The following PRUNE1 variants were observed in gnomAD, a reference collection of about 807,000 sequenced individuals.
PRUNE1 encodes the protein prune exopolyphosphatase 1.
A neutral mutation model predicts 42.5 loss-of-function variants in PRUNE1; 25 were observed. That is an observed-to-expected ratio of 0.59 (90% CI 0.43 to 0.82). The LOEUF (loss-of-function observed/expected upper bound fraction) is 0.82, where lower values mean the gene tolerates loss of function less well. Among genes scored for constraint, PRUNE1 ranks in the 40% least tolerant of loss-of-function variants. The pLI is 0.00. For synonymous variants in PRUNE1, 203 were observed against 217.1 expected, an observed-to-expected ratio of 0.93 and a Z score of 0.57; for missense variants, 443 against 539.3, an observed-to-expected ratio of 0.82 and a Z score of 1.77.
At position 151,034,613 on chromosome 1, in the gene PRUNE1, G is replaced by A. The variant is rs948791410; in HGVS notation, c.*379G>A. ...TCTGTCATGGAACTGAACATTCATC[G>A]ATGGTCTCCATGTATTCATTTATTC... On this transcript the variant is annotated 3_prime_UTR_variant, in exon 8 of 8. Coordinates refer to ENST00000271620, the MANE Select transcript of PRUNE1 (RefSeq NM_021222.3). 29 of 195,526 alleles carry A rather than the reference G, an allele frequency of 1.5e-4. No individual in the cohort carries two copies. Among genetic ancestry groups the A allele is most frequent in the African/African-American group, 5.9e-4 (26 of 43,714 alleles). 12.1% of individuals were successfully genotyped at this position (195,526 alleles called of 1,614,324 possible).
chr1:151,035,088 C>T lies in PRUNE1; in HGVS notation c.*854C>T, dbSNP rs1333522140. On this transcript the variant is annotated 3_prime_UTR_variant, in exon 8 of 8. Transcript: ENST00000271620. ...TTGTCAATCTCTTTTTTTCCTTGCT[C>T]ACATTAAAAGGAAGCATGGAGTTCT... The T allele has an allele frequency of 6.6e-6, 1 of 152,134 alleles. No individual in the cohort carries two copies. The highest frequency in any genetic ancestry group is 1.5e-5 in the Non-Finnish European group (1 of 68,026). The allele number at this position is 152,134 out of a possible 1,614,324, so 9.4% of individuals were successfully genotyped here. A position where few individuals can be genotyped will look rare whatever the true frequency, so the allele number is the denominator to read the frequency against.
intron 3 of PRUNE1, among the ~76,000 whole-genome samples, chr1:151,019,714 C>T (rs188287868): frequency 2.1e-4 from 32 of 151,980 alleles, no homozygotes; most frequent in South Asian, 8.3e-4. Context: ...ATTGCCCAGG[C>T]GGATCTCAAA....
intron 1 of PRUNE1, among the ~76,000 whole-genome samples, chr1:151,010,174 C>T (rs1259227660): frequency 6.6e-6 from 1 of 151,984 alleles, no homozygotes; most frequent in East Asian, 1.9e-4. Flanking sequence ...GTGATCACCT[C>T]CCCGGCTCAA....
chr1:151,019,556 CAAAAAAAAA>C (rs61399605), intron 3 of PRUNE1, among the ~76,000 whole-genome samples: 2 of 106,224 alleles, frequency 1.9e-5, no homozygotes, highest in Admixed American at 1.0e-4. Flanking sequence ...GACCCTGTCT[CAAAAAAAAA>C]AAAAAAAAAG....
chr1:151,024,476 C>T, intron 3 of PRUNE1, 135 bp from the exon 4 acceptor site: 2 of 834,712 alleles, frequency 2.4e-6, no homozygotes, highest in South Asian at 1.7e-5. Context: ...GCCTGGGCGA[C>T]AAGAGTGAAA....
At chr1:151,021,820 T>TTGTGTGTGTG (rs587667625) in intron 3 of PRUNE1, among the ~76,000 whole-genome samples, 11 of 148,102 alleles carry the variant, frequency 7.4e-5, no homozygotes, top group Middle Eastern at 3.5e-3. Flanking sequence ...CGGGATAATT[T>TTGTGTGTGTG]TGTGTGTGTG....
At chr1:151,018,132 A>G (rs942110284) in intron 2 of PRUNE1, among the ~76,000 whole-genome samples, 2 of 152,188 alleles carry the variant, frequency 1.3e-5, no homozygotes, top group Admixed American at 6.6e-5. Flanking sequence ...ACCATAAAGC[A>G]ATATTCAAAC....
intron 3 of PRUNE1, among the ~76,000 whole-genome samples, chr1:151,024,302 G>A (rs1048042436): frequency 6.6e-6 from 1 of 151,922 alleles, no homozygotes. Flanking sequence ...AGACCAGACT[G>A]GCCAACATGG....
intron 1 of PRUNE1, 91 bp downstream of exon 1, chr1:151,008,762 T>G: frequency 6.4e-5 from 95 of 1,476,094 alleles, no homozygotes; most frequent in Non-Finnish European, 7.4e-5. Context: ...CGACGGTCCG[T>G]GTGGAGGGAA....
intron 1 of PRUNE1, among the ~76,000 whole-genome samples, chr1:151,015,415 C>T (rs1674047567): frequency 6.6e-6 from 1 of 150,720 alleles, no homozygotes; most frequent in Non-Finnish European, 1.5e-5. Context: ...GCGGGCGGAT[C>T]ACGAGGTCAG....
In PRUNE1 at chr1:151,008,623, G is replaced by A; in HGVS notation, c.-10G>A. ...TCGACCAGGGGCGACGGCGTACTTT[G>A]GGCTTCATCATGGAGGACTACCTGC... On this transcript the variant is annotated 5_prime_UTR_variant, in exon 1 of 8. Coordinates refer to ENST00000271620, the MANE Select transcript of PRUNE1 (RefSeq NM_021222.3). 6.2e-7 allele frequency: 1 copy of A among 1,614,190 alleles called. No homozygotes were observed. Among genetic ancestry groups the A allele is most frequent in the South Asian group, 1.1e-5 (1 of 91,080 alleles).
Position 151,033,800 on chromosome 1 carries a change from CT to C in PRUNE1, c.934-3del. 1 of 1,611,246 alleles carries C rather than the reference CT, an allele frequency of 6.2e-7. No individual in the cohort carries two copies. The highest frequency in any genetic ancestry group is 8.5e-7 in the Non-Finnish European group (1 of 1,177,784). ...TATCATTTCCCTGTTATTGTCTCCT[CT>C]TTAGATCTGTGAAGTCCTGGAACGC... On this transcript the variant is annotated splice_polypyrimidine_tract_variant and splice_region_variant and intron_variant, in intron 7 of 7. Coordinates refer to ENST00000271620, the MANE Select transcript of PRUNE1 (RefSeq NM_021222.3).
intron 3 of PRUNE1, among the ~76,000 whole-genome samples, chr1:151,021,774 A>G (rs932884668): frequency 1.3e-5 from 2 of 150,302 alleles, no homozygotes; most frequent in Non-Finnish European, 1.5e-5. Context: ...TTGGAGTGCA[A>G]TAGTGCAATC....
chr1:151,008,685 G>A lies in PRUNE1; in HGVS notation c.39+14G>A. 3.1e-6 allele frequency: 5 copies of A among 1,613,858 alleles called. No individual in the cohort carries two copies. The highest frequency in any genetic ancestry group is 4.2e-6 in the Non-Finnish European group (5 of 1,179,816). On this transcript the variant is annotated intron_variant, in intron 1 of 7. Coordinates refer to ENST00000271620, the MANE Select transcript of PRUNE1 (RefSeq NM_021222.3). ...GCTGCTCTGCAGGTAACGAATCCCT[G>A]TCTGTGACTGTAAGGAATGGAGCAC...
chr1:151,014,434 G>A (rs1231881268), intron 1 of PRUNE1, among the ~76,000 whole-genome samples: 1 of 152,150 alleles, frequency 6.6e-6, no homozygotes, highest in Non-Finnish European at 1.5e-5. Flanking sequence ...GACGAGGGTG[G>A]TTTAAAAACA....
At chr1:151,033,105 G>A (rs1675337648) in intron 7 of PRUNE1, among the ~76,000 whole-genome samples, 1 of 129,600 alleles carries the variant, frequency 7.7e-6, no homozygotes, top group Non-Finnish European at 1.6e-5. Context: ...TTTTTTTTGA[G>A]ACGGAGTTTC....
intron 7 of PRUNE1, among the ~76,000 whole-genome samples, chr1:151,033,452 G>A (rs1571823529): frequency 2.8e-5 from 4 of 141,254 alleles, no homozygotes; most frequent in Admixed American, 1.5e-4. Context: ...GTGCAGTGGC[G>A]CGATCTCCGC....
At chr1:151,021,791 C>T (rs1480386922) in intron 3 of PRUNE1, among the ~76,000 whole-genome samples, 5 of 150,502 alleles carry the variant, frequency 3.3e-5, no homozygotes, top group African/African-American at 4.9e-5. Flanking sequence ...AATCTAGGCT[C>T]ACTGCAACCT....
chr1:151,030,463 C>T (rs1027013847), intron 7 of PRUNE1, among the ~76,000 whole-genome samples: 6 of 151,876 alleles, frequency 4.0e-5, no homozygotes, highest in East Asian at 1.9e-4. Context: ...TAAGGTAGTT[C>T]GTCATTATGA....
Sources: allele counts gnomAD v4.1 joint callset (sites outside exome capture counted in the v4.1 genomes callset), GRCh38; gene constraint gnomAD v4.1.1; transcripts MANE v1.5; gene names NCBI Gene and HGNC (gene_info 2026-07-23, HGNC 2026-07-21).